The following FRMD4A variants were observed in gnomAD, a reference collection of about 807,000 sequenced individuals.
FRMD4A encodes FERM domain containing 4A, also known as FERM domain-containing protein 4A.
FRMD4A carries 29 observed loss-of-function variants against 129.1 expected under a neutral mutation model. That is an observed-to-expected ratio of 0.22 (90% CI 0.17 to 0.31). The LOEUF (loss-of-function observed/expected upper bound fraction) is 0.31. FRMD4A is among the 10% of genes least tolerant of loss of function. The pLI, the probability that FRMD4A is intolerant of heterozygous loss-of-function variation, is 1.00. For missense variants in FRMD4A, 1,272 were observed against 1,375.8 expected, an observed-to-expected ratio of 0.92 and a Z score of 1.19; for synonymous variants, 634 against 571.6, an observed-to-expected ratio of 1.11 and a Z score of -1.56.
At chr10:13,698,046 T>C (rs968736927) in intron 14 of FRMD4A, among the ~76,000 whole-genome samples, 3 of 151,032 alleles carry the variant, frequency 2.0e-5, no homozygotes, top group Admixed American at 1.3e-4. Context: ...CTGTCTTAGA[T>C]CGTAGAATGG....
intron 2 of FRMD4A, among the ~76,000 whole-genome samples, chr10:14,178,914 C>T (rs1382815532): frequency 6.6e-6 from 1 of 152,198 alleles, no homozygotes; most frequent in Non-Finnish European, 1.5e-5. Flanking sequence ...GTGGACTTCT[C>T]ACCTATAGAG....
chr10:14,293,180 T>G (rs552179717), intron 2 of FRMD4A, among the ~76,000 whole-genome samples: 1 of 152,312 alleles, frequency 6.6e-6, no homozygotes, highest in African/African-American at 2.4e-5. Flanking sequence ...AAGAGGTGAT[T>G]AGATCATGAG....
chr10:13,918,025 C>T (rs1038594163), intron 2 of FRMD4A, among the ~76,000 whole-genome samples: 30 of 152,304 alleles, frequency 2.0e-4, no homozygotes, highest in Admixed American at 1.0e-3. Flanking sequence ...TTTCCCAGTG[C>T]GGAGAATTCA....
intron 2 of FRMD4A, among the ~76,000 whole-genome samples, chr10:13,899,116 C>T (rs972932777): frequency 3.3e-5 from 5 of 152,124 alleles, no homozygotes; most frequent in Middle Eastern, 3.4e-3. Flanking sequence ...AGTTTGTGAT[C>T]GCACCACTGC....
chr10:13,702,966 T>C (rs1034630760), intron 13 of FRMD4A, among the ~76,000 whole-genome samples: 51 of 148,460 alleles, frequency 3.4e-4, no homozygotes, highest in African/African-American at 9.7e-4. Context: ...TTGAAAATAA[T>C]TGAAAAAAGG....
At chr10:14,033,099 G>A (rs1833326302) in intron 2 of FRMD4A, among the ~76,000 whole-genome samples, 1 of 152,170 alleles carries the variant, frequency 6.6e-6, no homozygotes, top group South Asian at 2.1e-4. Flanking sequence ...CTGAGGTCAG[G>A]AGTTCGAGAT....
In FRMD4A at chr10:14,160,456, A is replaced by G. The variant is rs118140878; in HGVS notation, c.45+169602T>C. On this transcript the variant is annotated intron_variant, in intron 2 of 24. Transcript: ENST00000357447. ...GACAAGTGGAACTACATTAAGCTAA[A>G]AAGCTACTGCCCAGAAAAAGAAACA... is the stretch of plus-strand genomic sequence containing the variant. 4.0e-3 allele frequency among the ~76,000 whole-genome samples: 611 copies of G among 152,332 alleles called. 8 individuals are homozygous for G. The East Asian group carries it at 0.042, about 11-fold the overall frequency.
At chr10:14,107,703 A>G (rs1172685983) in intron 2 of FRMD4A, among the ~76,000 whole-genome samples, 1 of 152,178 alleles carries the variant, frequency 6.6e-6, no homozygotes, top group Non-Finnish European at 1.5e-5. Context: ...AAAACAGCAT[A>G]TACTTTCTCA....
In FRMD4A at chr10:13,783,014, A is replaced by C. The variant is rs375677341; in HGVS notation, c.300-8T>G. The C allele has an allele frequency of 7.3e-6, 8 of 1,099,242 alleles. No homozygotes were observed. The highest frequency in any genetic ancestry group is 1.1e-5 in the Non-Finnish European group (8 of 709,714). The allele number at this position is 1,099,242 out of a possible 1,614,324, so 68.1% of individuals were successfully genotyped here. On this transcript the variant is annotated splice_polypyrimidine_tract_variant and splice_region_variant and intron_variant, in intron 5 of 24. Coordinates refer to ENST00000357447, the MANE Select transcript of FRMD4A (RefSeq NM_018027.5). ...ATGCTTTCTATATAGAACCTGAAAG[A>C]GAAAAATGGTGCGTGAACCACAGAA...
intron 2 of FRMD4A, chr10:14,326,248 C>T (rs938592189): frequency 2.0e-4 from 30 of 152,306 alleles, no homozygotes; most frequent in African/African-American, 7.0e-4. Context: ...CAGGATTCCT[C>T]ACCTGGAAAC....
chr10:13,648,117 G>C (rs1254919251), intron 24 of FRMD4A: 1 of 152,184 alleles, frequency 6.6e-6, no homozygotes, highest in East Asian at 1.9e-4. Flanking sequence ...TTTCTCATCT[G>C]GCCTTAAAAT....
intron 2 of FRMD4A, among the ~76,000 whole-genome samples, chr10:14,197,037 C>T (rs1468184872): frequency 6.6e-6 from 1 of 152,124 alleles, no homozygotes; most frequent in Non-Finnish European, 1.5e-5. Flanking sequence ...TCTCAAAACC[C>T]CTGCCAGCCT....
Position 13,804,551 on chromosome 10 carries a change from C to CT in FRMD4A, c.206+6262dup, listed in dbSNP as rs963969431. Among the ~76,000 whole-genome samples the CT allele has an allele frequency of 3.8e-4, 54 of 142,680 alleles. No individual in the cohort carries two copies. The South Asian group carries it at 4.7e-3, about 12-fold the overall frequency. 93.6% of individuals were successfully genotyped at this position (142,680 alleles called of 152,430 possible). A position where few individuals can be genotyped will look rare whatever the true frequency, so the allele number is the denominator to read the frequency against. ...TCTTTCTTTCTTTCTTTCTTTATTT[C>CT]TTTTTTTTGTTGAGACGGAGTCTCG... On this transcript the variant is annotated intron_variant, in intron 4 of 24. Coordinates refer to ENST00000357447, the MANE Select transcript of FRMD4A (RefSeq NM_018027.5).
At chr10:14,035,185 G>T (rs963449163) in intron 2 of FRMD4A, among the ~76,000 whole-genome samples, 6 of 152,176 alleles carry the variant, frequency 3.9e-5, no homozygotes, top group African/African-American at 1.4e-4. Context: ...GGCTGAGGCG[G>T]GTGGATCGCC....
In FRMD4A at chr10:13,656,909, C is replaced by T. The variant is rs2134649877; in HGVS notation, c.2680G>A (p.Gly894Ser). 2 of 1,486,624 alleles carry T rather than the reference C, an allele frequency of 1.3e-6. No individual in the cohort carries two copies. Among genetic ancestry groups the T allele is most frequent in the Non-Finnish European group, 1.8e-6 (2 of 1,125,168 alleles). 92.1% of individuals were successfully genotyped at this position (1,486,624 alleles called of 1,614,324 possible). A position where few individuals can be genotyped will look rare whatever the true frequency, so the allele number is the denominator to read the frequency against. Reference sequence around the variant, plus strand: ...TGCGATCGCGACGGCGTCAGGCGGCCCGTGTCGCCCTCGTCGCCGCCGCCG... The same window carrying T: ...TGCGATCGCGACGGCGTCAGGCGGCTCGTGTCGCCCTCGTCGCCGCCGCCG... Reference protein sequence around the residue: ...RGGGGDEGDTGRLTPSRSQIL... With the variant: ...RGGGGDEGDTSRLTPSRSQIL... Residue 894 changes from glycine (G) to serine (S), a missense_variant, in exon 22 of 25, where the codon GGC (glycine) becomes AGC (serine). Gly to Ser is a moderately conservative substitution (Grantham distance 56). Transcript: ENST00000357447.
intron 2 of FRMD4A, among the ~76,000 whole-genome samples, chr10:14,186,107 C>A (rs1422290244): frequency 6.8e-6 from 1 of 147,030 alleles, no homozygotes; most frequent in African/African-American, 2.5e-5. Context: ...CAATGACTAA[C>A]AGAATTTATT....
intron 2 of FRMD4A, among the ~76,000 whole-genome samples, chr10:14,073,151 G>A (rs1409816299): frequency 2.0e-5 from 3 of 152,204 alleles, no homozygotes; most frequent in African/African-American, 4.8e-5. Flanking sequence ...TCTCAGCTCA[G>A]AGGTTGGTGA....
At position 13,669,198 on chromosome 10, in the gene FRMD4A, T is replaced by C. The variant is rs150363524; in HGVS notation, c.1374+1208A>G. On this transcript the variant is annotated intron_variant, in intron 17 of 24. Transcript: ENST00000357447. ...CCTCAGCCTCCTGAGTAGCTGGGAT[T>C]ACAGGCATACACCACCATGCCTGGC... 2.1e-4 allele frequency among the ~76,000 whole-genome samples: 32 copies of C among 151,980 alleles called. 1 individual carries two copies. In the East Asian group the frequency reaches 6.0e-3, roughly 28 times the overall value.
chr10:13,852,805 G>T (rs1301278882), intron 3 of FRMD4A, among the ~76,000 whole-genome samples: 1 of 152,030 alleles, frequency 6.6e-6, no homozygotes, highest in African/African-American at 2.4e-5. Flanking sequence ...TTTGCTCAAT[G>T]GCCACATGTG....
Sources: allele counts gnomAD v4.1 joint callset (sites outside exome capture counted in the v4.1 genomes callset), GRCh38; gene constraint gnomAD v4.1.1; transcripts MANE v1.5; gene names NCBI Gene and HGNC (gene_info 2026-07-23, HGNC 2026-07-21).